The following RALGPS1 variants were observed in gnomAD, a reference collection of about 807,000 sequenced individuals.
RALGPS1 encodes ras-specific guanine nucleotide-releasing factor RalGPS1.
In RALGPS1, 19 loss-of-function variants were observed where a neutral mutation model predicts 78.8. The observed-to-expected ratio is 0.24, with a 90% CI of 0.17 to 0.35. The LOEUF is 0.35. Among genes scored for constraint, RALGPS1 ranks in the 10% least tolerant of loss-of-function variants. The pLI is 1.00. For missense variants in RALGPS1, 454 were observed against 688.3 expected, an observed-to-expected ratio of 0.66 and a Z score of 3.81; for synonymous variants, 228 against 256.3, an observed-to-expected ratio of 0.89 and a Z score of 1.06.
chr9:126,965,882 C>T lies in RALGPS1; in HGVS notation c.96C>T (p.Cys32=), dbSNP rs142347192. The T allele has an allele frequency of 5.9e-5, 96 of 1,613,980 alleles. No individual in the cohort carries two copies. The highest frequency in any genetic ancestry group is 4.4e-5 in the Non-Finnish European group (52 of 1,179,996). The change falls in exon 3 of 19, where the codon TGC becomes TGT. Residue 32 remains cysteine, a synonymous_variant. Transcript: ENST00000259351. ...CGGACTCTCTGGAGGGCCAGAGCTG[C>T]GACTATGCCAGCAAGAGCTATGATG... ...SSSDSLEGQS[C]DYASKSYDAV...
At chr9:127,126,505 C>A (rs1434039398) in intron 8 of RALGPS1, among the ~76,000 whole-genome samples, 1 of 152,196 alleles carries the variant, frequency 6.6e-6, no homozygotes, top group African/African-American at 2.4e-5. Context: ...ACCCCATTTA[C>A]ACACTTGTTC....
intron 1 of RALGPS1, among the ~76,000 whole-genome samples, chr9:126,941,587 C>A (rs1273242469): frequency 6.6e-6 from 1 of 152,158 alleles, no homozygotes; most frequent in Non-Finnish European, 1.5e-5. Context: ...GAATGATTTA[C>A]TTAGTGTCTG....
intron 1 of RALGPS1, among the ~76,000 whole-genome samples, chr9:126,926,986 G>A (rs969977183): frequency 1.3e-5 from 2 of 152,156 alleles, no homozygotes; most frequent in Non-Finnish European, 2.9e-5. Flanking sequence ...GGGCCATTTT[G>A]AGTTTGGAAT....
intron 8 of RALGPS1, among the ~76,000 whole-genome samples, chr9:127,133,554 C>T (rs2057166172): frequency 6.6e-6 from 1 of 152,204 alleles, no homozygotes; most frequent in Non-Finnish European, 1.5e-5. Context: ...GGACAAGCCC[C>T]ACCCTGCCAC....
At chr9:127,052,238 A>G (rs192240677) in intron 6 of RALGPS1, among the ~76,000 whole-genome samples, 152 of 152,348 alleles carry the variant, frequency 1.0e-3, no homozygotes, top group Non-Finnish European at 1.7e-3. Flanking sequence ...TTCTCTTAGC[A>G]TAAAACCAGG....
intron 3 of RALGPS1, among the ~76,000 whole-genome samples, chr9:126,974,595 G>T (rs1479199273): frequency 6.6e-6 from 1 of 152,064 alleles, no homozygotes; most frequent in Non-Finnish European, 1.5e-5. Context: ...TTTTTAGAGG[G>T]CCCTGGACTA....
chr9:127,147,845 C>T (rs1017363724), intron 8 of RALGPS1, among the ~76,000 whole-genome samples: 3 of 152,150 alleles, frequency 2.0e-5, no homozygotes, highest in Admixed American at 2.0e-4. Context: ...ATTATCATTA[C>T]TATTGGTGTA....
At chr9:126,990,608 G>T (rs1339944821) in intron 4 of RALGPS1, among the ~76,000 whole-genome samples, 1 of 152,224 alleles carries the variant, frequency 6.6e-6, no homozygotes, top group Admixed American at 6.5e-5. Context: ...GCCCTCTGCC[G>T]GGAATGCTCT....
At chr9:126,966,211 C>T (rs115707189) in intron 3 of RALGPS1, among the ~76,000 whole-genome samples, 350 of 152,198 alleles carry the variant, frequency 2.3e-3, no homozygotes, top group African/African-American at 8.0e-3. Flanking sequence ...TTGTGGAGAA[C>T]GTGCAATTTA....
chr9:126,964,216 G>A (rs113130420), intron 2 of RALGPS1, among the ~76,000 whole-genome samples: 174 of 152,092 alleles, frequency 1.1e-3, no homozygotes, highest in Middle Eastern at 3.4e-3. Flanking sequence ...AAATTAGCCA[G>A]GCATGGTGGC....
In RALGPS1 at chr9:127,221,579, T is replaced by C. The variant is rs1276273514; in HGVS notation, c.*2810T>C. On this transcript the variant is annotated 3_prime_UTR_variant, in exon 19 of 19. Transcript: ENST00000259351. ...ACTGACATACTTGATGGAGGATTGATTCGGTAGAGAGCAGTAGAAATCTTG... is the reference window on the plus strand; with the variant it reads ...ACTGACATACTTGATGGAGGATTGACTCGGTAGAGAGCAGTAGAAATCTTG... 1 of 152,188 alleles carries C rather than the reference T, an allele frequency of 6.6e-6. No homozygotes were observed. Among genetic ancestry groups the C allele is most frequent in the Admixed American group, 6.5e-5 (1 of 15,272 alleles). The allele number at this position is 152,188 out of a possible 1,614,324, so 9.4% of individuals were successfully genotyped here.
In RALGPS1 at chr9:127,221,303, T is replaced by C. The variant is rs2062767431; in HGVS notation, c.*2534T>C. The C allele has an allele frequency of 6.6e-6, 1 of 152,270 alleles. No homozygotes were observed. Among genetic ancestry groups the C allele is most frequent in the Admixed American group, 6.5e-5 (1 of 15,290 alleles). The allele number at this position is 152,270 out of a possible 1,614,324, so 9.4% of individuals were successfully genotyped here. A position where few individuals can be genotyped will look rare whatever the true frequency, so the allele number is the denominator to read the frequency against. ...GCATTTCTAGTTTTTGCTCCTTGAC[T>C]GTCCAGAGTGTACAAATGTTCATAA... On this transcript the variant is annotated 3_prime_UTR_variant, in exon 19 of 19. Transcript: ENST00000259351.
rs765766104 is a variant in RALGPS1 at position 127,108,154 on chromosome 9, T to A, written c.610+38798T>A. The A allele has an allele frequency of 9.3e-6, 15 of 1,613,864 alleles. No individual in the cohort carries two copies. Among genetic ancestry groups the A allele is most frequent in the Non-Finnish European group, 1.3e-5 (15 of 1,179,978 alleles). On this transcript the variant is annotated intron_variant, in intron 8 of 18. Transcript: ENST00000259351. Reference sequence around the variant, plus strand: ...CTCAAGCTGCGCGATGATCTCTGATTGGTTGTGGGCCAGTGTGGCCAGGTG... The same window carrying A: ...CTCAAGCTGCGCGATGATCTCTGATAGGTTGTGGGCCAGTGTGGCCAGGTG...
chr9:126,979,796 A>G (rs1162221955), intron 4 of RALGPS1, among the ~76,000 whole-genome samples: 1 of 152,198 alleles, frequency 6.6e-6, no homozygotes, highest in Non-Finnish European at 1.5e-5. Context: ...TCAAGACTGT[A>G]GTTTGTAGCA....
In RALGPS1 at chr9:127,091,968, G is replaced by T; in HGVS notation, c.610+22612G>T. 1 of 1,606,924 alleles carries T rather than the reference G, an allele frequency of 6.2e-7. No homozygotes were observed. The stretch of plus-strand genomic sequence containing the variant: ...GGGGAAAACCCAGGAGAGTGTTAAT[G>T]TGGAGCCTGCAGCACCTGCAGCCAG... On this transcript the variant is annotated intron_variant, in intron 8 of 18. Coordinates refer to ENST00000259351, the MANE Select transcript of RALGPS1 (RefSeq NM_014636.3). This position sits in a 1 kb window ranked among gnomAD's most constrained non-coding sequence, Gnocchi z 4.3.
intron 14 of RALGPS1, among the ~76,000 whole-genome samples, chr9:127,199,278 C>G (rs573182750): frequency 4.6e-5 from 7 of 152,250 alleles, no homozygotes; most frequent in African/African-American, 1.4e-4. Context: ...ATGCTCTGAG[C>G]AGCCCCATGC....
chr9:126,996,052 A>G (rs913184589), intron 4 of RALGPS1, among the ~76,000 whole-genome samples: 1 of 152,232 alleles, frequency 6.6e-6, no homozygotes, highest in Non-Finnish European at 1.5e-5. Flanking sequence ...GGAAATTTAT[A>G]GCACTGAATG....
intron 1 of RALGPS1, among the ~76,000 whole-genome samples, chr9:126,961,976 A>G (rs2038937368): frequency 6.6e-6 from 1 of 152,210 alleles, no homozygotes; most frequent in African/African-American, 2.4e-5. Context: ...GAAAAGTCAG[A>G]AATGCAGAAT....
intron 6 of RALGPS1, among the ~76,000 whole-genome samples, chr9:127,050,641 C>G (rs979977996): frequency 1.3e-5 from 2 of 152,192 alleles, no homozygotes; most frequent in Admixed American, 6.5e-5. Context: ...ACCTCCTGCC[C>G]CCGGCCTGAT....
Sources: allele counts gnomAD v4.1 joint callset (sites outside exome capture counted in the v4.1 genomes callset), GRCh38; gene constraint gnomAD v4.1.1; non-coding constraint Gnocchi (gnomAD v3.1); transcripts MANE v1.5; gene names NCBI Gene and HGNC (gene_info 2026-07-23, HGNC 2026-07-21).